The following TTC28 variants were observed in gnomAD, a reference collection of about 807,000 sequenced individuals.
The protein encoded by TTC28 is tetratricopeptide repeat domain 28.
In TTC28, 61 loss-of-function variants were observed where a neutral mutation model predicts 198.0. The ratio of observed to expected loss-of-function variants is 0.31; its 90% CI spans 0.25 to 0.38. TTC28 has a LOEUF of 0.38. Among genes scored for constraint, TTC28 ranks in the 10% least tolerant of loss-of-function variants. TTC28 has a pLI of 1.00. For synonymous variants in TTC28, 1,171 were observed against 1,297.8 expected (o/e 0.90, Z 2.10); for missense variants, 2,678 against 3,164.0 (o/e 0.85, Z 3.69).
chr22:28,465,860 T>C (rs2048012439), intron 2 of TTC28, among the ~76,000 whole-genome samples: 1 of 152,210 alleles, frequency 6.6e-6, no homozygotes, highest in South Asian at 2.1e-4. Flanking sequence ...CAGTCCAAGA[T>C]AGCTGCTTAA....
chr22:28,342,677 G>A (rs2045850108), intron 2 of TTC28, among the ~76,000 whole-genome samples: 1 of 152,142 alleles, frequency 6.6e-6, no homozygotes, highest in Admixed American at 6.5e-5. Context: ...AAAATCATGT[G>A]TTAAGAGCTC....
At chr22:28,328,753 CAAAAAT>C (rs1247955404) in intron 2 of TTC28, among the ~76,000 whole-genome samples, 5 of 96,244 alleles carry the variant, frequency 5.2e-5, no homozygotes, top group Non-Finnish European at 1.0e-4. Context: ...GACTCTGTCT[CAAAAAT>C]AATAATAATA....
rs150764826 is a variant in TTC28 at position 28,673,752 on chromosome 22, A to C, written c.102+5870T>G. Among the ~76,000 whole-genome samples the C allele has an allele frequency of 1.6e-3, 240 of 152,340 alleles. 7 individuals are homozygous for C. In the East Asian group the frequency reaches 0.041, roughly 26 times the overall value. On this transcript the variant is annotated intron_variant, in intron 1 of 22. Transcript: ENST00000397906. Reference sequence around the variant, plus strand: ...ACTATAGATAATACAGTGTGAATATACAAGAAACATGAGATGTTCCAAGCA... The same window carrying C: ...ACTATAGATAATACAGTGTGAATATCCAAGAAACATGAGATGTTCCAAGCA...
At chr22:28,516,751 A>C (rs550317218) in intron 2 of TTC28, among the ~76,000 whole-genome samples, 3 of 151,860 alleles carry the variant, frequency 2.0e-5, no homozygotes, top group Admixed American at 1.3e-4. Context: ...CTAGAACTTA[A>C]AGTATAATAA....
intron 2 of TTC28, among the ~76,000 whole-genome samples, chr22:28,482,617 GA>G (rs1452532886): frequency 6.6e-6 from 1 of 152,130 alleles, no homozygotes; most frequent in Admixed American, 6.5e-5. Flanking sequence ...GTGAACAACT[GA>G]ATGGCAGTTA....
intron 2 of TTC28, among the ~76,000 whole-genome samples, chr22:28,310,477 C>T (rs2045236845): frequency 6.6e-6 from 1 of 152,178 alleles, no homozygotes; most frequent in African/African-American, 2.4e-5. Context: ...GCAAGTACCT[C>T]TGGAAGCAAG....
intron 17 of TTC28, among the ~76,000 whole-genome samples, chr22:27,993,825 A>G (rs2146527579): frequency 6.6e-6 from 1 of 152,280 alleles, no homozygotes; most frequent in South Asian, 2.1e-4. Context: ...GTCTGAACAC[A>G]CAGGTCAGGG....
At chr22:28,184,028 G>C (rs1017222135) in intron 5 of TTC28, among the ~76,000 whole-genome samples, 4 of 152,116 alleles carry the variant, frequency 2.6e-5, no homozygotes, top group African/African-American at 9.7e-5. Context: ...GTAATACAGT[G>C]ATTAAAACTG....
intron 2 of TTC28, among the ~76,000 whole-genome samples, chr22:28,481,628 T>C (rs914659662): frequency 5.3e-5 from 8 of 152,194 alleles, no homozygotes; most frequent in Admixed American, 1.3e-4. Flanking sequence ...GGTAAATAGA[T>C]GAGAATTAGA....
intron 2 of TTC28, among the ~76,000 whole-genome samples, chr22:28,449,449 TA>T (rs1420432037): frequency 6.6e-6 from 1 of 152,258 alleles, no homozygotes; most frequent in Non-Finnish European, 1.5e-5. Flanking sequence ...TAACATTTTT[TA>T]TTTCATTCAA....
At chr22:28,178,479 G>A (rs1357696005) in intron 5 of TTC28, among the ~76,000 whole-genome samples, 1 of 151,822 alleles carries the variant, frequency 6.6e-6, no homozygotes, top group African/African-American at 2.4e-5. Context: ...GGAGAGGAAC[G>A]GGGGAGGGGA....
intron 21 of TTC28, among the ~76,000 whole-genome samples, chr22:27,988,652 A>G (rs1231227138): frequency 6.6e-6 from 1 of 152,134 alleles, no homozygotes; most frequent in Non-Finnish European, 1.5e-5. Context: ...TGTAACAGTG[A>G]GGTCAGACAG....
chr22:28,627,831 GGCA>G (rs1382122295), intron 2 of TTC28, among the ~76,000 whole-genome samples: 3 of 152,114 alleles, frequency 2.0e-5, no homozygotes, highest in Non-Finnish European at 4.4e-5. Flanking sequence ...CCATTCACAA[GGCA>G]GCAGCAATAC....
At chr22:28,553,548 G>A (rs1356824273) in intron 2 of TTC28, among the ~76,000 whole-genome samples, 7 of 151,036 alleles carry the variant, frequency 4.6e-5, no homozygotes, top group African/African-American at 1.5e-4. Flanking sequence ...CCCTCTGCCT[G>A]GCAGCCACCC....
chr22:28,128,278 A>G (rs565196109), intron 6 of TTC28, among the ~76,000 whole-genome samples: 1 of 152,190 alleles, frequency 6.6e-6, no homozygotes, highest in East Asian at 1.9e-4. Context: ...AGATTGCGCC[A>G]TTACACTCCA....
chr22:28,375,353 G>A (rs767727792), intron 2 of TTC28, among the ~76,000 whole-genome samples: 2 of 152,136 alleles, frequency 1.3e-5, no homozygotes, highest in Non-Finnish European at 2.9e-5. Flanking sequence ...CATCTCATTT[G>A]TAAAACTGAG....
intron 14 of TTC28, among the ~76,000 whole-genome samples, chr22:28,003,599 C>T (rs1468624969): frequency 1.3e-5 from 2 of 152,164 alleles, no homozygotes; most frequent in Admixed American, 6.5e-5. Context: ...CCAGGACACA[C>T]GCCACTCATA....
intron 2 of TTC28, among the ~76,000 whole-genome samples, chr22:28,560,977 G>A (rs1385966425): frequency 1.3e-5 from 2 of 151,552 alleles, no homozygotes; most frequent in Non-Finnish European, 2.9e-5. Context: ...GGCTGGTCTC[G>A]AGCTCCTGAC....
At chr22:28,053,365 A>C (rs12167128) in intron 12 of TTC28, among the ~76,000 whole-genome samples, 21,762 of 152,222 alleles carry the variant, frequency 0.14, 1,644 homozygotes, top group Non-Finnish European at 0.16. Flanking sequence ...ACTGAGAAAT[A>C]AAATAAGAAA....
Sources: allele counts gnomAD v4.1 joint callset (sites outside exome capture counted in the v4.1 genomes callset), GRCh38; gene constraint gnomAD v4.1.1; transcripts MANE v1.5; gene names NCBI Gene and HGNC (gene_info 2026-07-23, HGNC 2026-07-21).